The following CSMD1 variants were observed in gnomAD, a reference collection of about 807,000 sequenced individuals.
The protein encoded by CSMD1 is CUB and Sushi multiple domains 1.
In CSMD1, 213 loss-of-function variants were observed where a neutral mutation model predicts 417.5. The observed-to-expected ratio is 0.51, with a 90% CI of 0.46 to 0.57. CSMD1 has a LOEUF of 0.57. Among genes scored for constraint, CSMD1 ranks in the 20% least tolerant of loss-of-function variants. The probability of loss-of-function intolerance (pLI) is 0.00; values close to 1 mark genes in which losing one functional copy is unlikely to be tolerated. For missense variants in CSMD1, 6,923 were observed against 4,529.7 expected, an observed-to-expected ratio of 1.53 and a Z score of -15.17; for synonymous variants, 2,862 against 1,736.8, an observed-to-expected ratio of 1.65 and a Z score of -16.11.
intron 18 of CSMD1, among the ~76,000 whole-genome samples, chr8:3,372,951 G>T (rs1344012835): frequency 6.6e-6 from 1 of 152,102 alleles, no homozygotes; most frequent in African/African-American, 2.4e-5. Context: ...CAGAAGGTTT[G>T]GATTCGTAAC....
chr8:3,728,453 T>G (rs1386966660), intron 6 of CSMD1, among the ~76,000 whole-genome samples: 1 of 152,328 alleles, frequency 6.6e-6, no homozygotes, highest in African/African-American at 2.4e-5. Context: ...AGATGGTAAA[T>G]TCTGTGTTAG....
intron 1 of CSMD1, among the ~76,000 whole-genome samples, chr8:4,705,932 T>C (rs1807910470): frequency 6.6e-6 from 1 of 152,086 alleles, no homozygotes; most frequent in African/African-American, 2.4e-5. Flanking sequence ...TGCTGCTTAT[T>C]TGATAAAGAA....
At chr8:3,815,352 G>C (rs886728251) in intron 5 of CSMD1, among the ~76,000 whole-genome samples, 45 of 152,104 alleles carry the variant, frequency 3.0e-4, no homozygotes, top group African/African-American at 1.0e-3. Flanking sequence ...GAACACATCA[G>C]GAGTTAGAGA....
intron 5 of CSMD1, among the ~76,000 whole-genome samples, chr8:3,922,932 C>T (rs911072929): frequency 2.0e-5 from 3 of 152,128 alleles, no homozygotes; most frequent in Non-Finnish European, 4.4e-5. Context: ...TCAACAAATA[C>T]CGAAACAGAT....
intron 3 of CSMD1, among the ~76,000 whole-genome samples, chr8:4,146,020 A>C (rs1804096501): frequency 6.6e-6 from 1 of 150,878 alleles, no homozygotes; most frequent in Admixed American, 6.6e-5. Context: ...GTATTCAAAA[A>C]AAATCTGTTG....
At chr8:3,294,210 G>T (rs540408755) in intron 25 of CSMD1, among the ~76,000 whole-genome samples, 1 of 146,466 alleles carries the variant, frequency 6.8e-6, no homozygotes, top group Non-Finnish European at 1.5e-5. Context: ...GTACCAGGCC[G>T]TGTGAGGTGT....
chr8:4,853,313 T>A (rs1308777524), intron 1 of CSMD1, among the ~76,000 whole-genome samples: 1 of 152,136 alleles, frequency 6.6e-6, no homozygotes, highest in Non-Finnish European at 1.5e-5. Context: ...GACTCAGGGC[T>A]CTGAAGCCAG....
chr8:3,849,533 A>C (rs1408370235), intron 5 of CSMD1, among the ~76,000 whole-genome samples: 1 of 152,174 alleles, frequency 6.6e-6, no homozygotes, highest in African/African-American at 2.4e-5. Context: ...TAGAATGACG[A>C]CTTCAGCAGA....
In CSMD1 at chr8:4,752,141, T is replaced by A. The variant is rs79345976; in HGVS notation, c.86-114583A>T. 4.4e-3 allele frequency among the ~76,000 whole-genome samples: 672 copies of A among 152,272 alleles called. 3 individuals are homozygous for A. Among genetic ancestry groups the A allele is most frequent in the African/African-American group, 0.016 (645 of 41,562 alleles). On this transcript the variant is annotated intron_variant, in intron 1 of 69. Coordinates refer to ENST00000635120, the MANE Select transcript of CSMD1 (RefSeq NM_033225.6). ...CACATGTATATATCATATATATGTA[T>A]CTCAGTTGCTCTTTAGTTCCTTACC...
intron 21 of CSMD1, among the ~76,000 whole-genome samples, chr8:3,355,044 T>A: frequency 6.7e-6 from 1 of 149,712 alleles, no homozygotes; most frequent in Admixed American, 6.7e-5. Context: ...CACTATGCTG[T>A]CGGAAATAAC....
At chr8:3,344,136 C>T (rs1232721056) in intron 22 of CSMD1, among the ~76,000 whole-genome samples, 3 of 152,156 alleles carry the variant, frequency 2.0e-5, no homozygotes, top group African/African-American at 7.2e-5. Flanking sequence ...TTGGTTTTGA[C>T]CAGCCGGGAG....
intron 3 of CSMD1, among the ~76,000 whole-genome samples, chr8:4,395,211 T>A (rs72624079): frequency 0.078 from 11,945 of 152,230 alleles, 644 homozygotes; most frequent in African/African-American, 0.15. Flanking sequence ...ACATCAGACA[T>A]CTGGCTGGTT....
intron 23 of CSMD1, among the ~76,000 whole-genome samples, chr8:3,316,933 A>C (rs1287477382): frequency 2.6e-5 from 4 of 152,134 alleles, no homozygotes; most frequent in Non-Finnish European, 4.4e-5. Context: ...CTGCAAAAGT[A>C]TTTATTTAGT....
At chr8:4,457,174 A>G (rs1404945668) in intron 2 of CSMD1, among the ~76,000 whole-genome samples, 1 of 152,164 alleles carries the variant, frequency 6.6e-6, no homozygotes, top group East Asian at 1.9e-4. Context: ...TTACGGACCT[A>G]GATGTGAAAT....
intron 5 of CSMD1, among the ~76,000 whole-genome samples, chr8:3,877,565 T>C (rs1377631952): frequency 2.0e-5 from 3 of 152,136 alleles, no homozygotes; most frequent in Admixed American, 2.0e-4. Context: ...GAGAAAAAAA[T>C]GAGCTCTTCA....
At chr8:3,142,085 C>T (rs6994988) in intron 41 of CSMD1, among the ~76,000 whole-genome samples, 7,527 of 152,190 alleles carry the variant, frequency 0.049, 634 homozygotes, top group African/African-American at 0.17. Context: ...GCGTGAGCCA[C>T]CGCGCCCGGC....
At chr8:3,647,811 C>T (rs115588830) in intron 7 of CSMD1, among the ~76,000 whole-genome samples, 2,388 of 152,258 alleles carry the variant, frequency 0.016, 78 homozygotes, top group African/African-American at 0.054. Context: ...GTAAATATGG[C>T]AAATGTATAA....
intron 40 of CSMD1, among the ~76,000 whole-genome samples, chr8:3,144,265 T>A (rs762531897): frequency 3.4e-5 from 5 of 145,976 alleles, no homozygotes; most frequent in Admixed American, 6.8e-5. Flanking sequence ...GGCCTCACTT[T>A]TTCTGGTTTG....
At chr8:3,491,698 G>T (rs1285134138) in intron 11 of CSMD1, among the ~76,000 whole-genome samples, 8 of 152,170 alleles carry the variant, frequency 5.3e-5, no homozygotes. Flanking sequence ...TTTTCAATGT[G>T]TGAATTATCT....
Sources: gnomAD v4.1 joint callset for allele counts (sites outside exome capture counted in the v4.1 genomes callset) on GRCh38, gnomAD v4.1.1 for gene constraint, MANE v1.5 for transcripts, NCBI Gene and HGNC (gene_info 2026-07-23, HGNC 2026-07-21) for gene names.